Variants in COLGALT2 observed in about 807,000 individuals in gnomAD.
The protein encoded by COLGALT2 is collagen beta(1-O)galactosyltransferase 2, also known as procollagen galactosyltransferase 2.
Under a neutral mutation model 73.4 loss-of-function variants are expected in COLGALT2, and 49 were observed. The ratio of observed to expected loss-of-function variants is 0.67; its 90% CI spans 0.53 to 0.85. The LOEUF is 0.85. Ranked by LOEUF, COLGALT2 falls within the 40% of genes least tolerant of loss-of-function variation. The pLI, the probability that COLGALT2 is intolerant of heterozygous loss-of-function variation, is 0.00. For synonymous variants in COLGALT2, 295 were observed against 307.6 expected, an observed-to-expected ratio of 0.96 and a Z score of 0.43; for missense variants, 722 against 790.2, an observed-to-expected ratio of 0.91 and a Z score of 1.03.
At chr1:183,940,537 A>G (rs1408224198) in intron 11 of COLGALT2, 44 bp downstream of exon 11, 1 of 1,535,788 alleles carries the variant, frequency 6.5e-7, no homozygotes, top group African/African-American at 1.4e-5. Flanking sequence ...TAATTCATGA[A>G]GAGGCTGTGC....
Position 183,936,644 on chromosome 1 carries a change from A to T in COLGALT2, c.*2117T>A. On this transcript the variant is annotated 3_prime_UTR_variant, in exon 12 of 12. Transcript: ENST00000361927. ...AGTCATTAAAGTCATGCACACATGC[A>T]CACACTCAAATATGAAAACAAAAAC... 2 of 1,219,540 alleles carry T rather than the reference A, an allele frequency of 1.6e-6. No homozygotes were observed. The highest frequency in any genetic ancestry group is 8.6e-5 in the South Asian group (2 of 23,364). The allele number at this position is 1,219,540 out of a possible 1,614,324, so 75.5% of individuals were successfully genotyped here.
Position 183,951,078 on chromosome 1 carries a change from C to T in COLGALT2, c.1065G>A (p.Arg355=), listed in dbSNP as rs1453404253. Reference sequence around the variant, plus strand: ...ACAGTGTGCGCAGCATCCGGTCCCGCCTGTCCTTTCTGCGTTTGAGGTTTA... The same window carrying T: ...ACAGTGTGCGCAGCATCCGGTCCCGTCTGTCCTTTCTGCGTTTGAGGTTTA... ...FMINLKRRKD[R]RDRMLRTLYE... Residue 355 remains arginine (R), a synonymous_variant, in exon 8 of 12, where the codon AGG becomes AGA. Coordinates refer to ENST00000361927, the MANE Select transcript of COLGALT2 (RefSeq NM_015101.4). 1.2e-6 allele frequency: 2 copies of T among 1,613,764 alleles called. No individual in the cohort carries two copies. The highest frequency in any genetic ancestry group is 1.7e-5 in the Admixed American group (1 of 59,998).
intron 6 of COLGALT2, among the ~76,000 whole-genome samples, chr1:183,958,871 C>A (rs552431612): frequency 1.3e-5 from 2 of 151,668 alleles, no homozygotes; most frequent in East Asian, 1.9e-4. Flanking sequence ...TTTAAAAAAA[C>A]AGTACAAACA....
intron 1 of COLGALT2, among the ~76,000 whole-genome samples, chr1:184,032,001 A>T (rs1168400670): frequency 7.1e-6 from 1 of 141,364 alleles, no homozygotes; most frequent in Non-Finnish European, 1.5e-5. Flanking sequence ...GGTTCAAGCA[A>T]TCCACCCACA....
intron 1 of COLGALT2, among the ~76,000 whole-genome samples, chr1:184,031,150 G>A (rs978521174): frequency 6.6e-6 from 1 of 152,016 alleles, no homozygotes; most frequent in Non-Finnish European, 1.5e-5. Flanking sequence ...TGAATTTAGG[G>A]GACAACCAAA....
chr1:183,964,123 C>T lies in COLGALT2; in HGVS notation c.833-103G>A, dbSNP rs368766683. ...ACTGTGTCTGATGCTGAGTTTGACA[C>T]TGCAATTAAATAAGTGGTTGTTTCA... is the stretch of plus-strand genomic sequence containing the variant. On this transcript the variant is annotated intron_variant, in intron 5 of 11. Coordinates refer to ENST00000361927, the MANE Select transcript of COLGALT2 (RefSeq NM_015101.4). 7.8e-6 allele frequency: 10 copies of T among 1,282,818 alleles called. No individual in the cohort carries two copies. The African/African-American group carries it at 8.9e-5, about 11-fold the overall frequency. 79.5% of individuals were successfully genotyped at this position (1,282,818 alleles called of 1,614,324 possible). A position where few individuals can be genotyped will look rare whatever the true frequency, so the allele number is the denominator to read the frequency against.
chr1:183,976,083 A>G (rs1671181714), intron 2 of COLGALT2, among the ~76,000 whole-genome samples: 1 of 152,176 alleles, frequency 6.6e-6, no homozygotes, highest in South Asian at 2.1e-4. Context: ...ATTTTTCTAA[A>G]TATATTCCCC....
chr1:183,972,212 A>C (rs1671056879), intron 4 of COLGALT2, among the ~76,000 whole-genome samples: 1 of 151,990 alleles, frequency 6.6e-6, no homozygotes, highest in Non-Finnish European at 1.5e-5. Context: ...CTCAAGCAAT[A>C]CTCCCTGCTC....
intron 1 of COLGALT2, among the ~76,000 whole-genome samples, chr1:184,010,671 G>C (rs576389593): frequency 6.6e-6 from 1 of 152,164 alleles, no homozygotes; most frequent in South Asian, 2.1e-4. Flanking sequence ...AAGAACAGTG[G>C]CTACTGTGAG....
At position 183,937,964 on chromosome 1, in the gene COLGALT2, T is replaced by C. The variant is rs531173941; in HGVS notation, c.*797A>G. 9 of 985,416 alleles carry C rather than the reference T, an allele frequency of 9.1e-6. No homozygotes were observed. The highest frequency in any genetic ancestry group is 2.4e-6 in the Non-Finnish European group (2 of 829,910). 61.0% of individuals were successfully genotyped at this position (985,416 alleles called of 1,614,324 possible). On this transcript the variant is annotated 3_prime_UTR_variant, in exon 12 of 12. Coordinates refer to ENST00000361927, the MANE Select transcript of COLGALT2 (RefSeq NM_015101.4). ...ATGCACAGCCAGTCCTCACCCTTTATATATTACATTTATCTTTATAAATAG... is the reference window on the plus strand; with the variant it reads ...ATGCACAGCCAGTCCTCACCCTTTACATATTACATTTATCTTTATAAATAG...
chr1:183,985,003 G>GA (rs34203113), intron 1 of COLGALT2, among the ~76,000 whole-genome samples: 28,519 of 151,342 alleles, frequency 0.19, 2,966 homozygotes, highest in East Asian at 0.41. Flanking sequence ...CTTGGCTGTG[G>GA]AAAAAAAAAT....
At chr1:183,933,650 C>T (rs932576479), downstream of COLGALT2, among the ~76,000 whole-genome samples, 1 of 152,154 alleles carries the variant, frequency 6.6e-6, no homozygotes, top group African/African-American at 2.4e-5. Context: ...GCTGCCCACT[C>T]CACTTTGAAA....
chr1:184,010,933 C>T (rs1284115391), intron 1 of COLGALT2, among the ~76,000 whole-genome samples: 1 of 152,060 alleles, frequency 6.6e-6, no homozygotes, highest in Non-Finnish European at 1.5e-5. Flanking sequence ...GCCAATAGTG[C>T]CCTCCAGCCA....
intron 4 of COLGALT2, among the ~76,000 whole-genome samples, chr1:183,971,390 A>C (rs1671033113): frequency 1.3e-5 from 2 of 152,172 alleles, no homozygotes; most frequent in African/African-American, 4.8e-5. Context: ...ACAAGTGAGC[A>C]CATTTCTCCT....
Position 183,977,568 on chromosome 1 carries a change from T to A in COLGALT2, c.374+842A>T, listed in dbSNP as rs190681563. On this transcript the variant is annotated intron_variant, in intron 2 of 11. Coordinates refer to ENST00000361927, the MANE Select transcript of COLGALT2 (RefSeq NM_015101.4). The stretch of plus-strand genomic sequence containing the variant: ...TGGAAGGCCAAGGTGGGAGGATCGC[T>A]TGAGGCCAGGAGTTCAAGACCAGCC... Among the ~76,000 whole-genome samples, 30 of 152,038 alleles carry A rather than the reference T, an allele frequency of 2.0e-4. No individual in the cohort carries two copies. In the East Asian group the frequency reaches 5.6e-3, roughly 28 times the overall value.
intron 1 of COLGALT2, among the ~76,000 whole-genome samples, chr1:184,023,643 TGGGG>T (rs56285855): frequency 0.038 from 5,022 of 133,166 alleles, 290 homozygotes; most frequent in African/African-American, 0.13. Flanking sequence ...GTGCGTGAGG[TGGGG>T]GGGGGGGGCG....
In COLGALT2 at chr1:183,944,176, A is replaced by C. The variant is rs756071872; in HGVS notation, c.1397+20T>G. 1 of 1,604,014 alleles carries C rather than the reference A, an allele frequency of 6.2e-7. No homozygotes were observed. Among genetic ancestry groups the C allele is most frequent in the Non-Finnish European group, 8.5e-7 (1 of 1,176,014 alleles). ...TGAGTGCCTCTCAGAGCCCTCTCGTAAGATCATCTTGTCACTCACATCAGT... is the reference window on the plus strand; with the variant it reads ...TGAGTGCCTCTCAGAGCCCTCTCGTCAGATCATCTTGTCACTCACATCAGT... On this transcript the variant is annotated intron_variant, in intron 10 of 11. Coordinates refer to ENST00000361927, the MANE Select transcript of COLGALT2 (RefSeq NM_015101.4).
At chr1:183,944,434 G>A (rs574605973) in intron 9 of COLGALT2, 111 bp from the exon 10 acceptor site, 2 of 1,238,630 alleles carry the variant, frequency 1.6e-6, no homozygotes, top group African/African-American at 1.5e-5. Context: ...TTCATAACTG[G>A]AATCTAAGCA....
intron 4 of COLGALT2, among the ~76,000 whole-genome samples, chr1:183,970,737 C>G (rs1412417122): frequency 6.6e-6 from 1 of 152,160 alleles, no homozygotes; most frequent in Non-Finnish European, 1.5e-5. Context: ...TCTCATAGAG[C>G]TGCAGAATGA....
Sources: allele counts gnomAD v4.1 joint callset (sites outside exome capture counted in the v4.1 genomes callset), GRCh38; gene constraint gnomAD v4.1.1; transcripts MANE v1.5; gene names NCBI Gene and HGNC (gene_info 2026-07-23, HGNC 2026-07-21).